Variants in RBMS3 observed in about 807,000 individuals in gnomAD.
RBMS3 encodes the protein RNA-binding motif, single-stranded-interacting protein 3.
In RBMS3, 27 loss-of-function variants were observed where a neutral mutation model predicts 66.8. That is an observed-to-expected ratio of 0.40 (90% CI 0.30 to 0.56). The LOEUF (loss-of-function observed/expected upper bound fraction) is 0.56. Among genes scored for constraint, RBMS3 ranks in the 20% least tolerant of loss-of-function variants. The probability of loss-of-function intolerance (pLI) is 0.40; values close to 1 mark genes in which losing one functional copy is unlikely to be tolerated. For synonymous variants in RBMS3, 188 were observed against 183.0 expected (o/e 1.03, Z -0.22); for missense variants, 513 against 549.5 (o/e 0.93, Z 0.66).
intron 3 of RBMS3, among the ~76,000 whole-genome samples, chr3:29,566,239 T>C (rs541459836): frequency 6.6e-6 from 1 of 152,254 alleles, no homozygotes; most frequent in Non-Finnish European, 1.5e-5. Flanking sequence ...CCACAAATTA[T>C]GCCCACTGCA....
intron 14 of RBMS3, among the ~76,000 whole-genome samples, chr3:29,992,366 C>T (rs1459498515): frequency 6.6e-6 from 1 of 152,108 alleles, no homozygotes; most frequent in Non-Finnish European, 1.5e-5. Context: ...GCGGGCGGAT[C>T]ACGAGGTCAG....
At chr3:29,291,145 A>T (rs1242521712) in intron 1 of RBMS3, among the ~76,000 whole-genome samples, 1 of 151,918 alleles carries the variant, frequency 6.6e-6, no homozygotes, top group East Asian at 1.9e-4. Flanking sequence ...TTTTTTAGAT[A>T]TGCATATAAA....
intron 4 of RBMS3, among the ~76,000 whole-genome samples, chr3:29,621,107 G>T (rs1432774047): frequency 2.0e-5 from 3 of 151,800 alleles, no homozygotes; most frequent in Non-Finnish European, 4.4e-5. Context: ...ACCAATAGAG[G>T]GTCTCTGAAA....
chr3:29,733,082 T>A (rs1281766015), intron 4 of RBMS3, among the ~76,000 whole-genome samples: 1 of 152,150 alleles, frequency 6.6e-6, no homozygotes, highest in African/African-American at 2.4e-5. Context: ...TATTAAAAAC[T>A]CTGCTCCATG....
At chr3:29,956,858 C>T (rs1696080396) in intron 12 of RBMS3, among the ~76,000 whole-genome samples, 1 of 152,078 alleles carries the variant, frequency 6.6e-6, no homozygotes, top group African/African-American at 2.4e-5. Context: ...AGTCCTTAGC[C>T]TGTGCAACAA....
chr3:29,992,357 C>T (rs896418899), intron 14 of RBMS3, among the ~76,000 whole-genome samples: 62 of 152,178 alleles, frequency 4.1e-4, no homozygotes, highest in African/African-American at 1.3e-3. Context: ...GAGGCCGAGG[C>T]GGGCGGATCA....
At chr3:29,424,776 C>G (rs2040879090) in intron 1 of RBMS3, among the ~76,000 whole-genome samples, 1 of 152,092 alleles carries the variant, frequency 6.6e-6, no homozygotes, top group African/African-American at 2.4e-5. Context: ...TCTATCATCC[C>G]TTTGCTACAA....
intron 14 of RBMS3, among the ~76,000 whole-genome samples, chr3:30,000,281 TG>T (rs1470985966): frequency 6.6e-6 from 1 of 151,886 alleles, no homozygotes; most frequent in Non-Finnish European, 1.5e-5. Flanking sequence ...CCAACAAACA[TG>T]AAAAAAAGCT....
At chr3:29,521,259 A>T (rs983839920) in intron 3 of RBMS3, among the ~76,000 whole-genome samples, 1 of 152,170 alleles carries the variant, frequency 6.6e-6, no homozygotes, top group African/African-American at 2.4e-5. Flanking sequence ...TATGAACCCT[A>T]GTTCATAGGC....
intron 4 of RBMS3, among the ~76,000 whole-genome samples, chr3:29,650,276 TTTC>T (rs760078844): frequency 1.0e-3 from 129 of 124,168 alleles, no homozygotes; most frequent in Middle Eastern, 4.2e-3. Context: ...TACTCCTTTC[TTTC>T]TTTTTTTTTT....
At position 29,825,397 on chromosome 3, in the gene RBMS3, T is replaced by A. The variant is rs182305888; in HGVS notation, c.638-43461T>A. On this transcript the variant is annotated intron_variant, in intron 6 of 14. Transcript: ENST00000383767. ...CTAACTGGTTAATATTGTTCAGCTGTTTCCCCACCCAAATCTCATCTTGAA... is the reference window on the plus strand; with the variant it reads ...CTAACTGGTTAATATTGTTCAGCTGATTCCCCACCCAAATCTCATCTTGAA... Among the ~76,000 whole-genome samples, 103 of 152,268 alleles carry A rather than the reference T, an allele frequency of 6.8e-4. 1 individual carries two copies. Among genetic ancestry groups the A allele is most frequent in the Non-Finnish European group, 6.0e-4 (41 of 68,028 alleles).
intron 1 of RBMS3, among the ~76,000 whole-genome samples, chr3:29,328,036 C>G (rs1292191741): frequency 1.3e-5 from 2 of 152,140 alleles, no homozygotes; most frequent in African/African-American, 4.8e-5. Context: ...CATTATTTAG[C>G]ATTTTGCCCA....
intron 6 of RBMS3, among the ~76,000 whole-genome samples, chr3:29,822,385 TAAATTGCTTCTGGGAAAAAC>T (rs2058096874): frequency 6.6e-6 from 1 of 152,172 alleles, no homozygotes; most frequent in African/African-American, 2.4e-5. Context: ...AATTTAAAAG[TAAATTGCTTCTGGGAAAAAC>T]AAATCAAACT....
At chr3:29,476,019 T>G (rs80137800) in intron 2 of RBMS3, among the ~76,000 whole-genome samples, 1 of 152,268 alleles carries the variant, frequency 6.6e-6, no homozygotes, top group South Asian at 2.1e-4. Context: ...CTAGGTGTGT[T>G]CTTTGTCATG....
chr3:29,311,307 C>A (rs1422653368), intron 1 of RBMS3, among the ~76,000 whole-genome samples: 1 of 151,736 alleles, frequency 6.6e-6, no homozygotes, highest in East Asian at 1.9e-4. Context: ...ATTGAGATCT[C>A]CGATCAGCCT....
intron 12 of RBMS3, among the ~76,000 whole-genome samples, chr3:29,976,362 G>T (rs986208005): frequency 6.6e-6 from 1 of 151,908 alleles, no homozygotes; most frequent in African/African-American, 2.4e-5. Flanking sequence ...TCACCTCCTG[G>T]ATGATCATTT....
chr3:29,836,974 C>G (rs1280413714), intron 6 of RBMS3, among the ~76,000 whole-genome samples: 3 of 152,002 alleles, frequency 2.0e-5, no homozygotes, highest in Non-Finnish European at 4.4e-5. Flanking sequence ...CTCTCATGAC[C>G]TCCAGATGGT....
intron 6 of RBMS3, among the ~76,000 whole-genome samples, chr3:29,772,177 C>T (rs559959795): frequency 6.6e-6 from 1 of 152,078 alleles, no homozygotes; most frequent in African/African-American, 2.4e-5. Flanking sequence ...TGGATTTCCC[C>T]CCTAGAGCCT....
At chr3:29,686,756 A>G (rs1221696694) in intron 4 of RBMS3, among the ~76,000 whole-genome samples, 1 of 152,256 alleles carries the variant, frequency 6.6e-6, no homozygotes, top group Non-Finnish European at 1.5e-5. Flanking sequence ...TTACATTTTC[A>G]TACGTCTTTC....
Sources: allele counts gnomAD v4.1 joint callset (sites outside exome capture counted in the v4.1 genomes callset), GRCh38; gene constraint gnomAD v4.1.1; transcripts MANE v1.5; gene names NCBI Gene and HGNC (gene_info 2026-07-23, HGNC 2026-07-21).